The following SEMA3A variants were observed in gnomAD, a reference collection of about 807,000 sequenced individuals.
SEMA3A encodes the protein semaphorin 3A, also known as semaphorin-3A.
Under a neutral mutation model 97.9 loss-of-function variants are expected in SEMA3A, and 29 were observed. That is an observed-to-expected ratio of 0.30 (90% CI 0.22 to 0.40). The LOEUF is 0.40. Ranked by LOEUF, SEMA3A falls within the 10% of genes least tolerant of loss-of-function variation. The pLI, the probability that SEMA3A is intolerant of heterozygous loss-of-function variation, is 1.00. For missense variants in SEMA3A, 763 were observed against 951.3 expected (o/e 0.80, Z 2.60); for synonymous variants, 321 against 323.7 (o/e 0.99, Z 0.09).
rs181829300 is a variant in SEMA3A at position 84,266,044 on chromosome 7, C to T, written c.-83+41163G>A. Reference sequence around the variant, plus strand: ...TTTTCAAACAATTTTTCTAGCTGGGCATGGTAGCTCACATCTGTAATCCCA... The same window carrying T: ...TTTTCAAACAATTTTTCTAGCTGGGTATGGTAGCTCACATCTGTAATCCCA... On this transcript the variant is annotated intron_variant, in intron 3 of 3. Coordinates refer to the SEMA3A transcript ENST00000424555. Among the ~76,000 whole-genome samples the T allele has an allele frequency of 3.6e-3, 553 of 152,044 alleles. 1 individual carries two copies. The highest frequency in any genetic ancestry group is 0.012 in the African/African-American group (503 of 41,496).
chr7:84,308,844 T>C (rs558391434), intron 2 of SEMA3A, among the ~76,000 whole-genome samples: 1 of 138,786 alleles, frequency 7.2e-6, no homozygotes, highest in Non-Finnish European at 1.5e-5. Context: ...TGAGATGGAG[T>C]TTCACCCTTG....
chr7:84,070,972 A>C (rs2115752230), intron 4 of SEMA3A, among the ~76,000 whole-genome samples: 1 of 152,260 alleles, frequency 6.6e-6, no homozygotes, highest in Non-Finnish European at 1.5e-5. Flanking sequence ...TTCAGCAAAT[A>C]AAGAGTGTAA....
intron 3 of SEMA3A, among the ~76,000 whole-genome samples, chr7:84,112,558 T>C (rs1253919728): frequency 4.6e-5 from 7 of 152,174 alleles, no homozygotes; most frequent in Admixed American, 4.6e-4. Context: ...TAAGAAGACT[T>C]GTGAACAAAA....
intron 1 of SEMA3A, among the ~76,000 whole-genome samples, chr7:84,405,615 C>G (rs1804058267): frequency 1.3e-5 from 2 of 152,288 alleles, no homozygotes; most frequent in South Asian, 4.1e-4. Context: ...CCACACCACA[C>G]CTATTCCAAA....
chr7:84,389,092 T>TA (rs1421476395), intron 1 of SEMA3A, among the ~76,000 whole-genome samples: 1 of 152,066 alleles, frequency 6.6e-6, no homozygotes, highest in Non-Finnish European at 1.5e-5. Context: ...CCTCAGGTTG[T>TA]AAAAATTTGA....
At chr7:84,191,073 CTAATTG>C (rs1473917055) in intron 1 of SEMA3A, among the ~76,000 whole-genome samples, 3 of 150,674 alleles carry the variant, frequency 2.0e-5, no homozygotes, top group Admixed American at 1.3e-4. Flanking sequence ...AATTTTTGAA[CTAATTG>C]TAATTTATTG....
chr7:84,358,687 G>A (rs564468169), intron 2 of SEMA3A, among the ~76,000 whole-genome samples: 9 of 152,052 alleles, frequency 5.9e-5, no homozygotes, highest in Non-Finnish European at 7.4e-5. Context: ...GTCATTTGTA[G>A]CTTGATGGGG....
At chr7:84,348,775 G>C (rs1340989801) in intron 2 of SEMA3A, among the ~76,000 whole-genome samples, 1 of 152,138 alleles carries the variant, frequency 6.6e-6, no homozygotes, top group African/African-American at 2.4e-5. Flanking sequence ...ATGAGGTCAG[G>C]AGTTTGAGAC....
chr7:83,996,053 T>G (rs1361370974), intron 12 of SEMA3A, among the ~76,000 whole-genome samples: 2 of 152,166 alleles, frequency 1.3e-5, no homozygotes, highest in African/African-American at 4.8e-5. Flanking sequence ...GAACTATAAA[T>G]AAAGCCCACT....
At chr7:84,156,056 A>AT (rs1246363379) in intron 1 of SEMA3A, among the ~76,000 whole-genome samples, 2 of 152,078 alleles carry the variant, frequency 1.3e-5, no homozygotes, top group African/African-American at 4.8e-5. Context: ...AATGATTCCA[A>AT]TTTTTTAAAG....
chr7:84,429,028 A>G (rs774868399), intron 1 of SEMA3A, among the ~76,000 whole-genome samples: 18 of 152,082 alleles, frequency 1.2e-4, no homozygotes, highest in Non-Finnish European at 2.4e-4. Flanking sequence ...GTGGAAAACC[A>G]GAGCTGCTTA....
At position 84,341,489 on chromosome 7, in the gene SEMA3A, T is replaced by C. The variant is rs567508925; in HGVS notation, c.-169+30335A>G. The stretch of plus-strand genomic sequence containing the variant: ...AGCAAGTTGTCAACATTCTGATTCT[T>C]ACACTAGTTCATAAATCTAGTTGCC... On this transcript the variant is annotated intron_variant, in intron 2 of 3. Transcript: ENST00000424555. Among the ~76,000 whole-genome samples, 94 of 152,236 alleles carry C rather than the reference T, an allele frequency of 6.2e-4. 1 individual carries two copies. Among genetic ancestry groups the C allele is most frequent in the African/African-American group, 2.1e-3 (88 of 41,544 alleles).
chr7:84,316,563 T>C (rs1189019996), intron 2 of SEMA3A, among the ~76,000 whole-genome samples: 1 of 152,100 alleles, frequency 6.6e-6, no homozygotes, highest in African/African-American at 2.4e-5. Flanking sequence ...GCTATAAGTC[T>C]ATATATTAAA....
chr7:84,323,745 T>C (rs999509136), intron 2 of SEMA3A, among the ~76,000 whole-genome samples: 5 of 152,332 alleles, frequency 3.3e-5, no homozygotes, highest in African/African-American at 4.8e-5. Flanking sequence ...TCATGCATCA[T>C]GGTTGATTAC....
chr7:84,332,036 A>G (rs1384623221), intron 2 of SEMA3A, among the ~76,000 whole-genome samples: 1 of 152,160 alleles, frequency 6.6e-6, no homozygotes, highest in Admixed American at 6.6e-5. Context: ...GCTTATTCAC[A>G]AAATTCTCAT....
intron 2 of SEMA3A, among the ~76,000 whole-genome samples, chr7:84,315,860 T>G (rs1313518713): frequency 1.3e-5 from 2 of 152,088 alleles, no homozygotes; most frequent in Admixed American, 1.3e-4. Flanking sequence ...AATCTAAATA[T>G]ATGTATTGGA....
intron 1 of SEMA3A, among the ~76,000 whole-genome samples, chr7:84,377,941 G>A (rs1803150629): frequency 6.6e-6 from 1 of 152,060 alleles, no homozygotes; most frequent in Non-Finnish European, 1.5e-5. Context: ...CCTGAATATA[G>A]CCATGTCTCC....
chr7:84,376,463 G>T lies in SEMA3A; in HGVS notation c.-245-4563C>A, dbSNP rs571028959. ...TAAAAAACACAAAAAAATTAGCCGG[G>T]CGTGGTGGCGGGCGCCTGTAGTCCC... On this transcript the variant is annotated intron_variant, in intron 1 of 3. Transcript: ENST00000424555. Among the ~76,000 whole-genome samples, 103 of 142,588 alleles carry T rather than the reference G, an allele frequency of 7.2e-4. 7 individuals are homozygous for T. Among genetic ancestry groups the T allele is most frequent in the Non-Finnish European group, 1.2e-3 (81 of 65,390 alleles). 93.5% of individuals were successfully genotyped at this position (142,588 alleles called of 152,430 possible). A position where few individuals can be genotyped will look rare whatever the true frequency, so the allele number is the denominator to read the frequency against.
chr7:84,030,837 C>T (rs963888897), intron 6 of SEMA3A, among the ~76,000 whole-genome samples: 3 of 151,986 alleles, frequency 2.0e-5, no homozygotes, highest in Admixed American at 6.6e-5. Flanking sequence ...TAATTTTTAA[C>T]ACTGTACTTG....
Sources: allele counts gnomAD v4.1 joint callset (sites outside exome capture counted in the v4.1 genomes callset), GRCh38; gene constraint gnomAD v4.1.1; transcripts MANE v1.5; gene names NCBI Gene and HGNC (gene_info 2026-07-23, HGNC 2026-07-21).